Variants in GARRE1 observed in about 807,000 individuals in gnomAD.
GARRE1 encodes granule associated Rac and RHOG effector protein 1.
A neutral mutation model predicts 103.2 loss-of-function variants in GARRE1; 49 were observed. The ratio of observed to expected loss-of-function variants is 0.47; its 90% CI spans 0.38 to 0.60. The LOEUF (loss-of-function observed/expected upper bound fraction) is 0.60. Among genes scored for constraint, GARRE1 ranks in the 20% least tolerant of loss-of-function variants. The pLI, the probability that GARRE1 is intolerant of heterozygous loss-of-function variation, is 0.00. For synonymous variants in GARRE1, 505 were observed against 532.8 expected (o/e 0.95, Z 0.72); for missense variants, 1,199 against 1,370.5 (o/e 0.87, Z 1.98).
intron 8 of GARRE1, among the ~76,000 whole-genome samples, chr19:34,336,426 T>A (rs887609722): frequency 6.6e-6 from 1 of 152,180 alleles, no homozygotes; most frequent in African/African-American, 2.4e-5. Context: ...TAAATTCTTT[T>A]TTTTTCTTTT....
chr19:34,339,143 G>A (rs899721943), intron 8 of GARRE1, among the ~76,000 whole-genome samples: 1 of 152,150 alleles, frequency 6.6e-6, no homozygotes, highest in African/African-American at 2.4e-5. Flanking sequence ...GCAGGAATCA[G>A]AGTGTCTGAG....
chr19:34,306,241 C>T (rs1186532965), intron 2 of GARRE1, among the ~76,000 whole-genome samples: 2 of 152,194 alleles, frequency 1.3e-5, no homozygotes, highest in African/African-American at 2.4e-5. Flanking sequence ...CATTGCCAGG[C>T]AAGGCCTCTA....
At chr19:34,262,916 T>TA (rs1234408720) in intron 1 of GARRE1, among the ~76,000 whole-genome samples, 1 of 152,012 alleles carries the variant, frequency 6.6e-6, no homozygotes, top group Non-Finnish European at 1.5e-5. Context: ...CTCATTTGTT[T>TA]AAAAAAATAT....
chr19:34,254,992 C>T (rs1303863021), intron 1 of GARRE1, among the ~76,000 whole-genome samples: 1 of 151,766 alleles, frequency 6.6e-6, no homozygotes, highest in Non-Finnish European at 1.5e-5. Flanking sequence ...GGCGCCAGGA[C>T]CCGCTCCCGG....
At chr19:34,281,747 C>T (rs1421283891) in intron 1 of GARRE1, among the ~76,000 whole-genome samples, 3 of 149,062 alleles carry the variant, frequency 2.0e-5, no homozygotes. Flanking sequence ...TGAAATAATT[C>T]TTCTCTGTGT....
intron 7 of GARRE1, among the ~76,000 whole-genome samples, chr19:34,331,146 G>A (rs1035946252): frequency 1.3e-5 from 2 of 151,626 alleles, no homozygotes; most frequent in Non-Finnish European, 2.9e-5. Flanking sequence ...TGATCTGCCT[G>A]CTTAGGCATC....
chr19:34,353,952 T>A lies in GARRE1; in HGVS notation c.*997T>A, dbSNP rs903125163. 2 of 152,612 alleles carry A rather than the reference T, an allele frequency of 1.3e-5. No individual in the cohort carries two copies. The highest frequency in any genetic ancestry group is 4.1e-4 in the South Asian group (2 of 4,826). The allele number at this position is 152,612 out of a possible 1,614,324, so 9.5% of individuals were successfully genotyped here. A position where few individuals can be genotyped will look rare whatever the true frequency, so the allele number is the denominator to read the frequency against. ...AAAAAAAATCCACCTCATTTTCAGT[T>A]AACATGTGCCATTAAATAGATAACA... On this transcript the variant is annotated 3_prime_UTR_variant, in exon 14 of 14. Coordinates refer to ENST00000299505, the MANE Select transcript of GARRE1 (RefSeq NM_014686.5).
intron 1 of GARRE1, among the ~76,000 whole-genome samples, chr19:34,291,418 A>G (rs548652470): frequency 7.9e-5 from 12 of 152,316 alleles, no homozygotes; most frequent in African/African-American, 2.9e-4. Context: ...ATGAAGTAAT[A>G]CTTTTTTAAA....
rs148195086 is a variant in GARRE1 at position 34,341,639 on chromosome 19, T to G, written c.1705T>G (p.Phe569Val). The G allele has an allele frequency of 3.7e-6, 6 of 1,614,066 alleles. No individual in the cohort carries two copies. In the Admixed American group the frequency reaches 1.0e-4, roughly 27 times the overall value. Residue 569 changes from phenylalanine (F) to valine (V), a missense_variant, in exon 10 of 14, where the codon TTC (phenylalanine) becomes GTC (valine). Coordinates refer to ENST00000299505, the MANE Select transcript of GARRE1 (RefSeq NM_014686.5). ...SIQNTPSKNI[F>V]IAGCSEEKAK... is the part of the protein sequence containing the mutation. ...CCAAAATACCCCTTCCAAAAACATC[T>G]TCATAGCTGGATGTTCCGAAGAGAA...
intron 3 of GARRE1, among the ~76,000 whole-genome samples, chr19:34,325,469 A>G (rs2074107242): frequency 6.6e-6 from 1 of 152,166 alleles, no homozygotes; most frequent in African/African-American, 2.4e-5. Context: ...GCTTCACTTG[A>G]GAAACCTGAG....
intron 1 of GARRE1, among the ~76,000 whole-genome samples, chr19:34,258,997 G>T (rs370938731): frequency 6.6e-6 from 1 of 152,016 alleles, no homozygotes; most frequent in Non-Finnish European, 1.5e-5. Flanking sequence ...ATCAGCCTAG[G>T]CAACATAGTG....
intron 1 of GARRE1, among the ~76,000 whole-genome samples, chr19:34,292,163 G>A (rs1249269523): frequency 6.6e-6 from 1 of 152,044 alleles, no homozygotes; most frequent in Non-Finnish European, 1.5e-5. Context: ...CACCCGCCCA[G>A]ATCTACTTTT....
At chr19:34,336,039 G>A (rs1270625691) in intron 8 of GARRE1, among the ~76,000 whole-genome samples, 3 of 151,802 alleles carry the variant, frequency 2.0e-5, no homozygotes, top group African/African-American at 7.3e-5. Context: ...CCCCCAGACT[G>A]CAGTGCAGTG....
rs114166573 is a variant in GARRE1 at position 34,309,064 on chromosome 19, A to C, written c.495+8096A>C. On this transcript the variant is annotated intron_variant, in intron 2 of 13. Transcript: ENST00000299505. ...ACACATCTAATATTAATAATATTCTACTTCTCCCTCTTTAAAAAAAAAAAC... is the reference window on the plus strand; with the variant it reads ...ACACATCTAATATTAATAATATTCTCCTTCTCCCTCTTTAAAAAAAAAAAC... 4.3e-3 allele frequency among the ~76,000 whole-genome samples: 613 copies of C among 143,408 alleles called. 6 individuals are homozygous for C. Among genetic ancestry groups the C allele is most frequent in the African/African-American group, 0.014 (594 of 41,188 alleles). The allele number at this position is 143,408 out of a possible 152,430, so 94.1% of individuals were successfully genotyped here. A position where few individuals can be genotyped will look rare whatever the true frequency, so the allele number is the denominator to read the frequency against.
chr19:34,280,504 A>G (rs888497350), intron 1 of GARRE1, among the ~76,000 whole-genome samples: 40 of 152,212 alleles, frequency 2.6e-4, no homozygotes, highest in African/African-American at 7.7e-4. Flanking sequence ...ATTTTCATCT[A>G]TGGATTGCTT....
At chr19:34,256,062 C>G (rs2073670481) in intron 1 of GARRE1, among the ~76,000 whole-genome samples, 1 of 151,926 alleles carries the variant, frequency 6.6e-6, no homozygotes, top group Admixed American at 6.6e-5. Flanking sequence ...TGGTCTCGAA[C>G]TCCTGACCTC....
chr19:34,307,796 A>AT (rs1355802434), intron 2 of GARRE1, among the ~76,000 whole-genome samples: 39 of 107,952 alleles, frequency 3.6e-4, no homozygotes, highest in African/African-American at 1.3e-3. Context: ...ATACTATAAA[A>AT]AAAAAATATA....
At chr19:34,332,173 G>A (rs1370645492) in intron 7 of GARRE1, among the ~76,000 whole-genome samples, 1 of 152,116 alleles carries the variant, frequency 6.6e-6, no homozygotes, top group Non-Finnish European at 1.5e-5. Context: ...AGCTCACAGT[G>A]GGGCTGTCTT....
chr19:34,323,184 A>G (rs2599553), intron 3 of GARRE1, among the ~76,000 whole-genome samples: 117,464 of 151,490 alleles, frequency 0.78, 46,117 homozygotes, highest in African/African-American at 0.82. Context: ...GGTGCCTGCC[A>G]TCTCACCTGG....
Sources: gnomAD v4.1 joint callset for allele counts (sites outside exome capture counted in the v4.1 genomes callset) on GRCh38, gnomAD v4.1.1 for gene constraint, MANE v1.5 for transcripts, NCBI Gene and HGNC (gene_info 2026-07-23, HGNC 2026-07-21) for gene names.